MLF1: variants seen among roughly 807,000 people sequenced by gnomAD.
The protein encoded by MLF1 is myeloid leukemia factor 1, also known as myelodysplasia-myeloid leukemia factor 1.
Under a neutral mutation model 38.3 loss-of-function variants are expected in MLF1, and 37 were observed. The ratio of observed to expected loss-of-function variants is 0.96; its 90% CI spans 0.74 to 1.27. The LOEUF (loss-of-function observed/expected upper bound fraction) is 1.27, where lower values mean the gene tolerates loss of function less well. Among genes scored for constraint, MLF1 ranks in the 50% most tolerant of loss-of-function variants. The pLI, the probability that MLF1 is intolerant of heterozygous loss-of-function variation, is 0.00. For missense variants in MLF1, 331 were observed against 349.2 expected (o/e 0.95, Z 0.42); for synonymous variants, 95 against 106.5 (o/e 0.89, Z 0.66).
chr3:158,586,261 C>A (rs1717246106), intron 1 of MLF1, among the ~76,000 whole-genome samples: 1 of 150,504 alleles, frequency 6.6e-6, no homozygotes. Context: ...AATTTTGATA[C>A]ATTAAAAAAA....
intron 1 of MLF1, among the ~76,000 whole-genome samples, chr3:158,579,326 A>G (rs187025216): frequency 9.8e-5 from 15 of 152,320 alleles, no homozygotes; most frequent in African/African-American, 2.9e-4. Context: ...AACTTGGACA[A>G]GAGAAACATT....
intron 3 of MLF1, among the ~76,000 whole-genome samples, chr3:158,596,321 G>A: frequency 6.6e-6 from 1 of 152,092 alleles, no homozygotes; most frequent in East Asian, 1.9e-4. Context: ...AGGCCTATTA[G>A]TAAAGTGAAT....
chr3:158,600,253 C>A, intron 6 of MLF1, 80 bp downstream of exon 6: 3 of 817,602 alleles, frequency 3.7e-6, no homozygotes, highest in Non-Finnish European at 5.1e-6. Context: ...TTTTTAGAAA[C>A]ATGTCATAAG....
intron 1 of MLF1, among the ~76,000 whole-genome samples, chr3:158,572,691 T>C (rs866021437): frequency 1.5e-4 from 11 of 71,198 alleles, no homozygotes; most frequent in South Asian, 6.2e-4. Context: ...GGGCATGAGG[T>C]GTGGGGAAGA....
At chr3:158,586,270 A>T (rs537209311) in intron 1 of MLF1, among the ~76,000 whole-genome samples, 111 of 152,224 alleles carry the variant, frequency 7.3e-4, no homozygotes, top group African/African-American at 2.4e-3. Flanking sequence ...ACATTAAAAA[A>T]ATATATATAA....
intron 6 of MLF1, among the ~76,000 whole-genome samples, chr3:158,600,592 T>A (rs1318198468): frequency 6.6e-6 from 1 of 151,652 alleles, no homozygotes; most frequent in Admixed American, 6.6e-5. Flanking sequence ...AAACACTTTT[T>A]TCTCAAATTA....
At position 158,594,997 on chromosome 3, in the gene MLF1, A is replaced by G. The variant is rs185017522; in HGVS notation, c.240+1571A>G. ...TCATTCATTCATTCCGCAAATATTTATTAAACCCTCTTAAGTGCCAGGAAT... is the reference window on the plus strand; with the variant it reads ...TCATTCATTCATTCCGCAAATATTTGTTAAACCCTCTTAAGTGCCAGGAAT... On this transcript the variant is annotated intron_variant, in intron 3 of 7. Transcript: ENST00000466246. 4.6e-5 allele frequency among the ~76,000 whole-genome samples: 7 copies of G among 152,318 alleles called. No individual in the cohort carries two copies. The East Asian group carries it at 1.3e-3, about 29-fold the overall frequency.
intron 1 of MLF1, among the ~76,000 whole-genome samples, chr3:158,572,540 AG>A (rs753364564): frequency 1.1e-5 from 1 of 91,824 alleles, no homozygotes; most frequent in Non-Finnish European, 2.2e-5. Context: ...AGAAGGGTTG[AG>A]GGCGTGAGTT....
chr3:158,583,862 A>G (rs1424524730), intron 1 of MLF1, among the ~76,000 whole-genome samples: 5 of 152,214 alleles, frequency 3.3e-5, no homozygotes, highest in African/African-American at 1.2e-4. Context: ...GATTCTAGAA[A>G]ATAGTGTAAC....
At chr3:158,573,979 T>C (rs1302970751) in intron 1 of MLF1, among the ~76,000 whole-genome samples, 2 of 152,074 alleles carry the variant, frequency 1.3e-5, no homozygotes, top group African/African-American at 4.8e-5. Context: ...TAATTTTTTT[T>C]GTAGAGAGGA....
chr3:158,601,431 G>A (rs1350384995), intron 6 of MLF1, among the ~76,000 whole-genome samples: 1 of 152,172 alleles, frequency 6.6e-6, no homozygotes, highest in East Asian at 1.9e-4. Context: ...AGCCGGGCAT[G>A]GTGGTGCACG....
intron 2 of MLF1, among the ~76,000 whole-genome samples, chr3:158,593,139 T>TAAA (rs3835083): frequency 6.7e-6 from 1 of 149,226 alleles, no homozygotes; most frequent in African/African-American, 2.4e-5. Context: ...AACTAAAAAT[T>TAAA]AAAAAAAAAA....
intron 7 of MLF1, among the ~76,000 whole-genome samples, chr3:158,603,215 G>C (rs370210503): frequency 3.3e-5 from 5 of 152,146 alleles, no homozygotes; most frequent in African/African-American, 1.2e-4. Flanking sequence ...AAGGAAAACT[G>C]ATATCCTGTA....
chr3:158,591,159 CTTTTT>C (rs11314613), intron 1 of MLF1: 97 of 395,684 alleles, frequency 2.5e-4, no homozygotes, highest in Admixed American at 4.3e-4. Context: ...AGGAAAATTT[CTTTTT>C]TTTTTTTTTT....
At chr3:158,572,260 G>C in intron 1 of MLF1, among the ~76,000 whole-genome samples, 1 of 138,542 alleles carries the variant, frequency 7.2e-6, no homozygotes, top group Admixed American at 7.2e-5. Context: ...GGGGGAGGAG[G>C]GTTGAGGGCG....
intron 1 of MLF1, among the ~76,000 whole-genome samples, chr3:158,574,430 G>A (rs1182163012): frequency 6.6e-6 from 1 of 150,924 alleles, no homozygotes; most frequent in East Asian, 1.9e-4. Context: ...CACTTTGGGA[G>A]GCCGAGGTGG....
At position 158,578,855 on chromosome 3, in the gene MLF1, A is replaced by G. The variant is rs75617458; in HGVS notation, c.47+7508A>G. Among the ~76,000 whole-genome samples the G allele has an allele frequency of 0.015, 2,222 of 152,230 alleles. 178 individuals are homozygous for G. In the East Asian group the frequency reaches 0.16, roughly 11 times the overall value. ...GGTAGCAGAAATAATACAACCCATTATTTTGATGTATTTTGTTTCAGATGT... is the reference window on the plus strand; with the variant it reads ...GGTAGCAGAAATAATACAACCCATTGTTTTGATGTATTTTGTTTCAGATGT... On this transcript the variant is annotated intron_variant, in intron 1 of 7. Transcript: ENST00000466246.
At position 158,605,225 on chromosome 3, in the gene MLF1, T is replaced by C. The variant is rs1720370792; in HGVS notation, c.*23T>C. The C allele has an allele frequency of 2.5e-6, 4 of 1,572,650 alleles. No individual in the cohort carries two copies. The highest frequency in any genetic ancestry group is 1.7e-6 in the Non-Finnish European group (2 of 1,146,898). On this transcript the variant is annotated 3_prime_UTR_variant, in exon 8 of 8. Coordinates refer to ENST00000466246, the MANE Select transcript of MLF1 (RefSeq NM_001369783.1). The stretch of plus-strand genomic sequence containing the variant: ...TAAATAGCCATGCATTTGATTTGTT[T>C]AGTTTTGATTGTTTTAACAGTTAGT...
At chr3:158,577,582 A>G (rs6803849) in intron 1 of MLF1, among the ~76,000 whole-genome samples, 5,410 of 152,246 alleles carry the variant, frequency 0.036, 300 homozygotes, top group African/African-American at 0.12. Context: ...TAATATATAA[A>G]TTTCTTATAA....
Sources: allele counts gnomAD v4.1 joint callset (sites outside exome capture counted in the v4.1 genomes callset), GRCh38; gene constraint gnomAD v4.1.1; transcripts MANE v1.5; gene names NCBI Gene and HGNC (gene_info 2026-07-23, HGNC 2026-07-21).